The following FMN1 variants were observed in gnomAD, a reference collection of about 807,000 sequenced individuals.
FMN1 encodes formin 1, also known as formin-1.
A neutral mutation model predicts 132.4 loss-of-function variants in FMN1; 110 were observed. The observed-to-expected ratio is 0.83, with a 90% confidence interval of 0.71 to 0.97. The LOEUF (loss-of-function observed/expected upper bound fraction) is 0.97, where lower values mean the gene tolerates loss of function less well. Among genes scored for constraint, FMN1 ranks in the 50% least tolerant of loss-of-function variants. FMN1 has a pLI of 0.00. For synonymous variants in FMN1, 722 were observed against 651.7 expected (o/e 1.11, Z -1.64); for missense variants, 1,792 against 1,705.3 (o/e 1.05, Z -0.90).
intron 16 of FMN1, among the ~76,000 whole-genome samples, chr15:32,863,466 AAC>A (rs1479014458): frequency 1.3e-5 from 2 of 152,140 alleles, no homozygotes; most frequent in East Asian, 3.9e-4. Flanking sequence ...AAAATAAATA[AAC>A]ACATCAATTC....
chr15:32,959,627 TAA>T (rs1196394793), intron 9 of FMN1, among the ~76,000 whole-genome samples: 3 of 152,164 alleles, frequency 2.0e-5, no homozygotes, highest in South Asian at 2.1e-4. Flanking sequence ...TCAGAAAACT[TAA>T]AGAGTTTAAA....
Position 33,056,044 on chromosome 15 carries a change from A to G in FMN1, c.2161+8913T>C, listed in dbSNP as rs191799839. 1.4e-3 allele frequency among the ~76,000 whole-genome samples: 210 copies of G among 152,294 alleles called. 1 individual carries two copies. The highest frequency in any genetic ancestry group is 4.5e-3 in the African/African-American group (186 of 41,570). On this transcript the variant is annotated intron_variant, in intron 6 of 20. Transcript: ENST00000616417. ...GAATGAGCTCAAATTAGAAAAACCAAACACACCAAATGACAAGAATGCGGA... is the reference window on the plus strand; with the variant it reads ...GAATGAGCTCAAATTAGAAAAACCAGACACACCAAATGACAAGAATGCGGA...
In FMN1 at chr15:32,914,460, G is replaced by C. The variant is rs1365092906; in HGVS notation, c.3227-3925C>G. On this transcript the variant is annotated intron_variant, in intron 10 of 20. Coordinates refer to ENST00000616417, the MANE Select transcript of FMN1 (RefSeq NM_001277313.2). ...TGGTTTGAAGAGAGACTTAATTAAA[G>C]GGACTAGAAAGATACACTCCAAACA... Among the ~76,000 whole-genome samples, 8 of 152,282 alleles carry C rather than the reference G, an allele frequency of 5.3e-5. No homozygotes were observed. The South Asian group carries it at 1.7e-3, about 32-fold the overall frequency.
intron 3 of FMN1, among the ~76,000 whole-genome samples, chr15:33,155,341 C>T (rs988779788): frequency 6.6e-6 from 1 of 152,208 alleles, no homozygotes; most frequent in Non-Finnish European, 1.5e-5. Context: ...CTCTCAACTT[C>T]TCTAGACCTT....
intron 4 of FMN1, among the ~76,000 whole-genome samples, chr15:33,147,944 A>T (rs189157207): frequency 6.6e-6 from 1 of 152,302 alleles, no homozygotes; most frequent in Admixed American, 6.5e-5. Context: ...TGAAAAAAAA[A>T]ATATTGTTTC....
chr15:32,937,429 G>GT (rs1251009788), intron 9 of FMN1, among the ~76,000 whole-genome samples: 1 of 152,184 alleles, frequency 6.6e-6, no homozygotes, highest in East Asian at 1.9e-4. Flanking sequence ...CTCACCTGGG[G>GT]TTTAGGAGCC....
rs533699379 is a variant in FMN1, at chr15:32,783,744, C to CAAAAAA, written c.4131-6831_4131-6826dup. On this transcript the variant is annotated intron_variant, in intron 19 of 20. Transcript: ENST00000616417. ...TGGGCGACAGAGCGAGACTCTGTTT[C>CAAAAAA]AAAAAAAAAAAAAAAAAAAAAAAAA... 1.2e-4 allele frequency among the ~76,000 whole-genome samples: 8 copies of CAAAAAA among 64,250 alleles called. 3 individuals are homozygous for CAAAAAA. The highest frequency in any genetic ancestry group is 5.4e-4 in the East Asian group (1 of 1,858). 42.2% of individuals were successfully genotyped at this position (64,250 alleles called of 152,430 possible). A position where few individuals can be genotyped will look rare whatever the true frequency, so the allele number is the denominator to read the frequency against.
intron 17 of FMN1, among the ~76,000 whole-genome samples, chr15:32,807,251 A>C (rs1567199492): frequency 6.6e-6 from 1 of 152,240 alleles, no homozygotes; most frequent in African/African-American, 2.4e-5. Flanking sequence ...ATTTTGTTTT[A>C]TATTAAAATG....
At chr15:32,794,285 A>T (rs896849782) in intron 19 of FMN1, among the ~76,000 whole-genome samples, 2 of 152,224 alleles carry the variant, frequency 1.3e-5, no homozygotes, top group Admixed American at 1.3e-4. Context: ...ATTTCACATA[A>T]AATTCACCAA....
At position 33,001,631 on chromosome 15, in the gene FMN1, C is replaced by T. The variant is rs1336744035; in HGVS notation, c.2223+6383G>A. Among the ~76,000 whole-genome samples the T allele has an allele frequency of 3.6e-3, 419 of 115,056 alleles. 2 individuals are homozygous for T. The highest frequency in any genetic ancestry group is 0.013 in the African/African-American group (408 of 31,566). 75.5% of individuals were successfully genotyped at this position (115,056 alleles called of 152,430 possible). A position where few individuals can be genotyped will look rare whatever the true frequency, so the allele number is the denominator to read the frequency against. On this transcript the variant is annotated intron_variant, in intron 7 of 20. Coordinates refer to ENST00000616417, the MANE Select transcript of FMN1 (RefSeq NM_001277313.2). Reference sequence around the variant, plus strand: ...CCTCGAGTTTAGAGTGGTCTTTGTGCTTTTTTTTTTGGTTGAGGACATATT... The same window carrying T: ...CCTCGAGTTTAGAGTGGTCTTTGTGTTTTTTTTTTTGGTTGAGGACATATT...
At chr15:33,022,156 A>T (rs1326374731) in intron 6 of FMN1, among the ~76,000 whole-genome samples, 1 of 152,166 alleles carries the variant, frequency 6.6e-6, no homozygotes, top group Non-Finnish European at 1.5e-5. Flanking sequence ...ACCTAATACA[A>T]CGTCAATGCT....
intron 3 of FMN1, among the ~76,000 whole-genome samples, chr15:33,160,766 G>C (rs1237165980): frequency 6.6e-6 from 1 of 152,150 alleles, no homozygotes; most frequent in Non-Finnish European, 1.5e-5. Flanking sequence ...CAAGGTAAAA[G>C]CACTTTGCTT....
chr15:33,110,900 TAAAG>T (rs1436721079), intron 4 of FMN1, among the ~76,000 whole-genome samples: 1 of 152,222 alleles, frequency 6.6e-6, no homozygotes, highest in African/African-American at 2.4e-5. Flanking sequence ...TTACTAACCT[TAAAG>T]AAGTTCTAAA....
chr15:33,021,783 C>A (rs1031461977), intron 6 of FMN1, among the ~76,000 whole-genome samples: 4 of 152,106 alleles, frequency 2.6e-5, no homozygotes, highest in African/African-American at 9.7e-5. Flanking sequence ...GTTTTATGTT[C>A]TATCATAATA....
At chr15:32,805,439 C>A (rs2057645192) in intron 17 of FMN1, among the ~76,000 whole-genome samples, 1 of 152,128 alleles carries the variant, frequency 6.6e-6, no homozygotes, top group Non-Finnish European at 1.5e-5. Flanking sequence ...AATTTTCTCC[C>A]ATTCTGTAGG....
At chr15:33,018,505 G>T (rs1284831465) in intron 6 of FMN1, among the ~76,000 whole-genome samples, 1 of 152,140 alleles carries the variant, frequency 6.6e-6, no homozygotes, top group Non-Finnish European at 1.5e-5. Context: ...AAGAGGACTG[G>T]GTTCAGAAAC....
chr15:33,176,325 G>T (rs1402231620), intron 3 of FMN1, among the ~76,000 whole-genome samples: 1 of 152,056 alleles, frequency 6.6e-6, no homozygotes, highest in Non-Finnish European at 1.5e-5. Context: ...GGCCAAGATA[G>T]TAAAACCCTG....
intron 19 of FMN1, among the ~76,000 whole-genome samples, chr15:32,785,173 T>A (rs2056816785): frequency 4.6e-5 from 1 of 21,790 alleles, no homozygotes; most frequent in East Asian, 9.5e-4. Flanking sequence ...TGTGTGTGTG[T>A]GTGTGTGTGT....
intron 3 of FMN1, among the ~76,000 whole-genome samples, chr15:33,162,166 T>C (rs901881330): frequency 1.3e-5 from 2 of 151,962 alleles, no homozygotes; most frequent in African/African-American, 4.8e-5. Flanking sequence ...GTACATGCCA[T>C]CATGCCCAGA....
Sources: gnomAD v4.1 joint callset for allele counts (sites outside exome capture counted in the v4.1 genomes callset) on GRCh38, gnomAD v4.1.1 for gene constraint, MANE v1.5 for transcripts, NCBI Gene and HGNC (gene_info 2026-07-23, HGNC 2026-07-21) for gene names.